PCDHGA3: variants seen among roughly 807,000 people sequenced by gnomAD.
PCDHGA3 encodes protocadherin gamma subfamily A, 3.
Under a neutral mutation model 58.5 loss-of-function variants are expected in PCDHGA3, and 40 were observed. The observed-to-expected ratio is 0.68, with a 90% CI of 0.53 to 0.89. The LOEUF is 0.89. Among genes scored for constraint, PCDHGA3 ranks in the 40% least tolerant of loss-of-function variants. PCDHGA3 has a pLI of 0.00. For synonymous variants in PCDHGA3, 530 were observed against 525.7 expected (o/e 1.01, Z -0.11); for missense variants, 1,223 against 1,195.9 (o/e 1.02, Z -0.33).
chr5:141,356,825 T>G, intron 1 of PCDHGA3: 3 of 1,614,132 alleles, frequency 1.9e-6, no homozygotes, highest in Non-Finnish European at 1.7e-6. Context: ...GACCCTCCAC[T>G]CAGCAGCAAT....
chr5:141,371,961 G>C lies in PCDHGA3; in HGVS notation c.2424+25504G>C. On this transcript the variant is annotated intron_variant, in intron 1 of 3. Transcript: ENST00000253812. ...GTTCGCGCAGCGAGCCTTCGACCAC[G>C]AGCAGCTGCGTGCCTTCGAGCTCAC... 6.2e-7 allele frequency: 1 copy of C among 1,613,240 alleles called. No individual in the cohort carries two copies. Among genetic ancestry groups the C allele is most frequent in the Admixed American group, 1.7e-5 (1 of 60,006 alleles).
Position 141,491,665 on chromosome 5 carries a change from C to G in PCDHGA3, c.2425-3142C>G. The stretch of plus-strand genomic sequence containing the variant: ...TCTGGCGCTGGAGCCTGACGCCATC[C>G]GGTCCCGCTCTAATACGCTGCGGGA... On this transcript the variant is annotated intron_variant, in intron 1 of 3. Transcript: ENST00000253812. This position sits in a 1 kb window ranked among gnomAD's most constrained non-coding sequence, Gnocchi z 6.9. 1 of 1,613,764 alleles carries G rather than the reference C, an allele frequency of 6.2e-7. No homozygotes were observed. Among genetic ancestry groups the G allele is most frequent in the Non-Finnish European group, 8.5e-7 (1 of 1,180,000 alleles).
intron 1 of PCDHGA3, chr5:141,366,469 G>A (rs575828819): frequency 6.2e-7 from 1 of 1,614,256 alleles, no homozygotes. Context: ...TGCTGCTGGT[G>A]CTCAGACTGA....
intron 2 of PCDHGA3, among the ~76,000 whole-genome samples, chr5:141,496,474 T>A (rs2099769027): frequency 6.6e-6 from 1 of 152,140 alleles, no homozygotes; most frequent in African/African-American, 2.4e-5. Context: ...CTTTCCCCCA[T>A]CCTGCAACCA....
chr5:141,449,569 A>G (rs1340921687), intron 1 of PCDHGA3, among the ~76,000 whole-genome samples: 2 of 148,390 alleles, frequency 1.3e-5, no homozygotes, highest in East Asian at 3.9e-4. Flanking sequence ...AGCCTGGGCG[A>G]CAGAGCAAGA....
intron 1 of PCDHGA3, among the ~76,000 whole-genome samples, chr5:141,438,637 C>G (rs11958903): frequency 3.2e-5 from 1 of 30,940 alleles, no homozygotes. Context: ...TATATATATA[C>G]ACACACACAC....
chr5:141,459,295 A>C (rs571675117), intron 1 of PCDHGA3, among the ~76,000 whole-genome samples: 2 of 152,368 alleles, frequency 1.3e-5, no homozygotes, highest in South Asian at 4.1e-4. Context: ...ATGGAATCCT[A>C]TAACATATAC....
chr5:141,428,479 T>A (rs577865239), intron 1 of PCDHGA3: 1 of 328,682 alleles, frequency 3.0e-6, no homozygotes, highest in African/African-American at 2.1e-5. Flanking sequence ...TTTGCTTTAT[T>A]CCTGCAATCT....
intron 1 of PCDHGA3, chr5:141,375,214 C>A: frequency 6.2e-7 from 1 of 1,613,928 alleles, no homozygotes. Flanking sequence ...GAGACTCTGG[C>A]CTGAATGGCC....
At chr5:141,369,409 A>G (rs1468517805) in intron 1 of PCDHGA3, among the ~76,000 whole-genome samples, 1 of 152,194 alleles carries the variant, frequency 6.6e-6, no homozygotes, top group Non-Finnish European at 1.5e-5. Flanking sequence ...GTTCATGACT[A>G]TAATCCCAGC....
At chr5:141,372,621 T>C (rs775165911) in intron 1 of PCDHGA3, 1 of 1,614,026 alleles carries the variant, frequency 6.2e-7, no homozygotes, top group East Asian at 2.2e-5. Context: ...TCTCCCCACC[T>C]ACAGCGAAAG....
chr5:141,347,300 C>T (rs1428845595), intron 1 of PCDHGA3, among the ~76,000 whole-genome samples: 4 of 151,876 alleles, frequency 2.6e-5, no homozygotes, highest in Admixed American at 6.6e-5. Context: ...ACTACAGGCA[C>T]GAGCCACCCT....
chr5:141,490,936 C>T lies in PCDHGA3; in HGVS notation c.2425-3871C>T. 6.2e-7 allele frequency: 1 copy of T among 1,613,694 alleles called. No individual in the cohort carries two copies. On this transcript the variant is annotated intron_variant, in intron 1 of 3. Transcript: ENST00000253812. The surrounding 1 kb of genome is among the most constrained non-coding windows in gnomAD (Gnocchi z 5.4). ...GAATGATAATGCCCCAGCTGTGCTG[C>T]ACCCACGGCCAGACTGGGAACACTC...
Position 141,361,616 on chromosome 5 carries a change from G to A in PCDHGA3, c.2424+15159G>A, listed in dbSNP as rs1031903185. On this transcript the variant is annotated intron_variant, in intron 1 of 3. Coordinates refer to ENST00000253812, the MANE Select transcript of PCDHGA3 (RefSeq NM_018916.4). ...CAAGTTTCCTACTCCATCGTAGCGA[G>A]CGACCTGAAGCCGCGGGAGATTTTA... The A allele has an allele frequency of 1.4e-5, 22 of 1,613,858 alleles. No homozygotes were observed. The highest frequency in any genetic ancestry group is 1.7e-5 in the Non-Finnish European group (20 of 1,179,908).
intron 1 of PCDHGA3, chr5:141,371,795 T>C (rs748704102): frequency 1.2e-6 from 2 of 1,613,908 alleles, no homozygotes; most frequent in Non-Finnish European, 1.7e-6. Flanking sequence ...ACAATCCGCC[T>C]GGAGCCTCCA....
At chr5:141,423,882 C>T in intron 1 of PCDHGA3, 3 of 1,282,372 alleles carry the variant, frequency 2.3e-6, no homozygotes, top group Non-Finnish European at 3.0e-6. Context: ...TCAATCTTGG[C>T]ATATTTTCTT....
At position 141,418,812 on chromosome 5, in the gene PCDHGA3, A is replaced by T. The variant is rs761899929; in HGVS notation, c.2424+72355A>T. 4 of 1,613,914 alleles carry T rather than the reference A, an allele frequency of 2.5e-6. No individual in the cohort carries two copies. In the South Asian group the frequency reaches 4.4e-5, roughly 18 times the overall value. On this transcript the variant is annotated intron_variant, in intron 1 of 3. Transcript: ENST00000253812. ...GAAGAAGTAGAAAGATATACGATAA[A>T]CATAGAAGCAAAAGACCGAGGATCT... is the stretch of plus-strand genomic sequence containing the variant.
intron 1 of PCDHGA3, chr5:141,371,387 T>A: frequency 6.2e-7 from 1 of 1,613,964 alleles, no homozygotes; most frequent in Non-Finnish European, 8.5e-7. Flanking sequence ...CTGCATATTG[T>A]AAAGTACAGA....
intron 1 of PCDHGA3, chr5:141,357,741 T>C: frequency 1.6e-6 from 2 of 1,282,110 alleles, no homozygotes; most frequent in Non-Finnish European, 2.1e-6. Context: ...TTTTATTGCT[T>C]TAAAGAAAAC....
Sources: gnomAD v4.1 joint callset for allele counts (sites outside exome capture counted in the v4.1 genomes callset) on GRCh38, gnomAD v4.1.1 for gene constraint, Gnocchi (gnomAD v3.1) non-coding constraint, MANE v1.5 for transcripts, NCBI Gene and HGNC (gene_info 2026-07-23, HGNC 2026-07-21) for gene names.